TMIGD3: variants seen among roughly 807,000 people sequenced by gnomAD.
TMIGD3 encodes AD026 protein (AD026).
A neutral mutation model predicts 28.1 loss-of-function variants in TMIGD3; 21 were observed. The ratio of observed to expected loss-of-function variants is 0.75; its 90% CI spans 0.53 to 1.08. The LOEUF is 1.08. Ranked by LOEUF, TMIGD3 falls within the 50% of genes least tolerant of loss-of-function variation. The probability of loss-of-function intolerance (pLI) is 0.00; values close to 1 mark genes in which losing one functional copy is unlikely to be tolerated. For missense variants in TMIGD3, 416 were observed against 435.6 expected (o/e 0.96, Z 0.40); for synonymous variants, 151 against 162.1 (o/e 0.93, Z 0.52).
At chr1:111,536,539 T>C (rs1656644840) in intron 1 of TMIGD3, among the ~76,000 whole-genome samples, 1 of 152,200 alleles carries the variant, frequency 6.6e-6, no homozygotes, top group Non-Finnish European at 1.5e-5. Context: ...GAAGCAAAAC[T>C]GTACCCAGCA....
chr1:111,503,048 C>T lies in TMIGD3; in HGVS notation c.307G>A (p.Ala103Thr). Reference sequence around the variant, plus strand: ...CGCAAGTATCGGTCCACAGCGATGGCCAGCAAGGACATGATGGAGGCGTGG... The same window carrying T: ...CGCAAGTATCGGTCCACAGCGATGGTCAGCAAGGACATGATGGAGGCGTGG... The part of the protein sequence containing the change: ...FTHASIMSLL[A>T]IAVDRYLRVK... Residue 103 changes from alanine (A) to threonine (T), a missense_variant, in exon 1 of 6, where the codon GCC becomes ACC. Coordinates refer to ENST00000369716, the MANE Select transcript of TMIGD3 (RefSeq NM_020683.7). The T allele has an allele frequency of 6.2e-7, 1 of 1,614,184 alleles. No individual in the cohort carries two copies. Among genetic ancestry groups the T allele is most frequent in the Non-Finnish European group, 8.5e-7 (1 of 1,180,042 alleles).
upstream of TMIGD3, chr1:111,504,791 TG>T: frequency 2.3e-6 from 2 of 885,856 alleles, no homozygotes; most frequent in Non-Finnish European, 2.7e-6. Context: ...TGATCTGCTC[TG>T]GCATCATTCA....
chr1:111,485,993 G>A (rs1654349369), intron 4 of TMIGD3, among the ~76,000 whole-genome samples, 153 bp from the exon 5 acceptor site: 1 of 152,032 alleles, frequency 6.6e-6, no homozygotes. Flanking sequence ...GAGTGACCCT[G>A]TCCTTTGGAC....
At chr1:111,510,961 C>T (rs1002736913) in intron 1 of TMIGD3, among the ~76,000 whole-genome samples, 4 of 152,130 alleles carry the variant, frequency 2.6e-5, no homozygotes, top group African/African-American at 9.7e-5. Context: ...TAATACAGCA[C>T]TCACGGGCAC....
chr1:111,489,935 C>G (rs754096878), intron 2 of TMIGD3, among the ~76,000 whole-genome samples: 7 of 152,152 alleles, frequency 4.6e-5, no homozygotes, highest in Non-Finnish European at 8.8e-5. Flanking sequence ...GGAGATGAGA[C>G]AGCAGAGCCC....
In TMIGD3 at chr1:111,503,000, G is replaced by T. The variant is rs201612047; in HGVS notation, c.350+5C>A. ...AATTGCTGCCCACCCCACGCCGCAG[G>T]CTACCTGACGGTAAGCTTGACCCGC... On this transcript the variant is annotated splice_donor_5th_base_variant and intron_variant, in intron 1 of 5. Transcript: ENST00000369716. 435 of 1,611,974 alleles carry T rather than the reference G, an allele frequency of 2.7e-4. 1 individual carries two copies. Among genetic ancestry groups the T allele is most frequent in the Middle Eastern group, 3.4e-4 (2 of 5,854 alleles).
chr1:111,490,359 C>T (rs1459204793), intron 2 of TMIGD3: 1 of 302,214 alleles, frequency 3.3e-6, no homozygotes, highest in Non-Finnish European at 6.1e-6. Context: ...CATCCTTGCA[C>T]AAGGGCCATG....
intron 1 of TMIGD3, among the ~76,000 whole-genome samples, chr1:111,543,768 G>A (rs1656934501): frequency 6.6e-6 from 1 of 151,538 alleles, no homozygotes; most frequent in Non-Finnish European, 1.5e-5. Flanking sequence ...AGATTGGACA[G>A]CTTCAAACAA....
intron 4 of TMIGD3, 70 bp downstream of exon 4, chr1:111,486,516 T>C (rs1654381106): frequency 8.5e-7 from 1 of 1,176,294 alleles, no homozygotes; most frequent in Non-Finnish European, 1.3e-6. Flanking sequence ...CATATCATAC[T>C]GCTGCCACCC....
intron 1 of TMIGD3, chr1:111,542,331 C>T: frequency 8.9e-6 from 4 of 449,848 alleles, no homozygotes; most frequent in South Asian, 6.7e-5. Context: ...AGAGAAGTGT[C>T]TGTGTGGCTC....
At chr1:111,557,366 G>A (rs993174859) in intron 1 of TMIGD3, among the ~76,000 whole-genome samples, 6 of 152,086 alleles carry the variant, frequency 3.9e-5, no homozygotes, top group African/African-American at 1.4e-4. Context: ...GGCTAACACG[G>A]TGAAACCCTG....
intron 1 of TMIGD3, among the ~76,000 whole-genome samples, chr1:111,515,702 A>AC (rs1655838833): frequency 6.6e-6 from 1 of 151,842 alleles, no homozygotes; most frequent in Non-Finnish European, 1.5e-5. Context: ...GGCCCCGACA[A>AC]CCCCCCAGAA....
chr1:111,554,580 T>A (rs1657403856), intron 1 of TMIGD3, among the ~76,000 whole-genome samples: 1 of 152,232 alleles, frequency 6.6e-6, no homozygotes, highest in South Asian at 2.1e-4. Context: ...TATCCAGGAT[T>A]GCAAAGGATC....
intron 1 of TMIGD3, among the ~76,000 whole-genome samples, chr1:111,552,426 A>G (rs1025521155): frequency 1.3e-5 from 2 of 152,226 alleles, no homozygotes; most frequent in Non-Finnish European, 2.9e-5. Context: ...TGCTGCAAGC[A>G]TTTGGTTAAT....
At chr1:111,486,745 C>T in intron 3 of TMIGD3, 93 bp from the exon 4 acceptor site, 1 of 1,069,676 alleles carries the variant, frequency 9.3e-7, no homozygotes, top group South Asian at 1.3e-5. Context: ...ATTCTATGTC[C>T]AGAGAGTGAG....
upstream of TMIGD3, chr1:111,504,844 C>T: frequency 4.1e-6 from 4 of 985,108 alleles, no homozygotes; most frequent in Non-Finnish European, 4.8e-6. Flanking sequence ...CCAAGTTGAT[C>T]CAAGTCTTAC....
chr1:111,504,029 C>T, upstream of TMIGD3: 1 of 985,434 alleles, frequency 1.0e-6, no homozygotes, highest in Non-Finnish European at 1.2e-6. Flanking sequence ...TGGTGGCAGC[C>T]TCCTAACCTT....
chr1:111,529,944 G>A (rs1336473544), intron 1 of TMIGD3, among the ~76,000 whole-genome samples: 14 of 146,664 alleles, frequency 9.5e-5, no homozygotes, highest in Admixed American at 6.6e-4. Context: ...CAGTAGGGGC[G>A]GCCGGGCAGA....
At chr1:111,560,666 A>G (rs1571468866) in intron 1 of TMIGD3, among the ~76,000 whole-genome samples, 1 of 151,480 alleles carries the variant, frequency 6.6e-6, no homozygotes, top group Admixed American at 6.6e-5. Flanking sequence ...TTTTTTTTCC[A>G]TTTGTTGGAG....
Sources: gnomAD v4.1 joint callset for allele counts (sites outside exome capture counted in the v4.1 genomes callset) on GRCh38, gnomAD v4.1.1 for gene constraint, MANE v1.5 for transcripts, NCBI Gene and HGNC (gene_info 2026-07-23, HGNC 2026-07-21) for gene names.